The following CCDC30 variants were observed in gnomAD, a reference collection of about 807,000 sequenced individuals.
CCDC30 encodes the protein coiled-coil domain-containing protein 30.
CCDC30 carries 70 observed loss-of-function variants against 100.2 expected under a neutral mutation model. The observed-to-expected ratio is 0.70, with a 90% CI of 0.58 to 0.85. The LOEUF (loss-of-function observed/expected upper bound fraction) is 0.85. CCDC30 is among the 40% of genes least tolerant of loss of function. The pLI is 0.00. For synonymous variants in CCDC30, 233 were observed against 269.5 expected (o/e 0.86, Z 1.33); for missense variants, 652 against 771.2 (o/e 0.85, Z 1.83).
chr1:42,504,158 A>G (rs1186725863), intron 6 of CCDC30, among the ~76,000 whole-genome samples: 1 of 152,250 alleles, frequency 6.6e-6, no homozygotes, highest in African/African-American at 2.4e-5. Context: ...TAAGGCACAG[A>G]TCGCTCATGC....
At chr1:42,637,474 T>C in intron 12 of CCDC30, 96 bp downstream of exon 16, 4 of 1,106,768 alleles carry the variant, frequency 3.6e-6, no homozygotes, top group Non-Finnish European at 5.3e-6. Context: ...TTGAGACCCC[T>C]TCATAGTCCT....
At chr1:42,482,149 C>T (rs1045229980) in intron 2 of CCDC30, among the ~76,000 whole-genome samples, 12 of 149,166 alleles carry the variant, frequency 8.0e-5, no homozygotes, top group Admixed American at 2.7e-4. Flanking sequence ...ACCTGGGAGG[C>T]GGAGGTTGCA....
chr1:42,618,229 C>CTTTTTTTTTTTT (rs563022326), intron 11 of CCDC30, among the ~76,000 whole-genome samples: 17 of 90,460 alleles, frequency 1.9e-4, no homozygotes, highest in African/African-American at 4.5e-4. Context: ...CCAGTGATAT[C>CTTTTTTTTTTTT]TTTTTTTTTT....
At chr1:42,574,809 A>C (rs1645800151) in intron 7 of CCDC30, among the ~76,000 whole-genome samples, 1 of 152,182 alleles carries the variant, frequency 6.6e-6, no homozygotes, top group Non-Finnish European at 1.5e-5. Context: ...AACAAATGTA[A>C]AGTAGTAATA....
intron 10 of CCDC30, among the ~76,000 whole-genome samples, chr1:42,610,287 C>T (rs901703454): frequency 6.6e-6 from 1 of 152,204 alleles, no homozygotes; most frequent in Admixed American, 6.5e-5. Context: ...GTCAGATAAC[C>T]AATCCCAAAT....
chr1:42,618,341 A>G (rs1338067746), intron 11 of CCDC30, among the ~76,000 whole-genome samples: 1 of 150,374 alleles, frequency 6.7e-6, no homozygotes, highest in Admixed American at 6.7e-5. Flanking sequence ...GGTTCAAGCA[A>G]TTCTTCTGCC....
chr1:42,589,277 T>G (rs535735748), intron 9 of CCDC30, 44 bp from the exon 14 acceptor site: 1 of 1,482,184 alleles, frequency 6.7e-7, no homozygotes, highest in East Asian at 2.3e-5. Flanking sequence ...CTGAATTTCA[T>G]TTGCAATTCA....
chr1:42,503,958 G>A (rs1009408869), intron 6 of CCDC30, among the ~76,000 whole-genome samples: 1 of 152,116 alleles, frequency 6.6e-6, no homozygotes, highest in Admixed American at 6.5e-5. Flanking sequence ...GGGAAAGCAG[G>A]GGTCTCACAG....
intron 6 of CCDC30, among the ~76,000 whole-genome samples, chr1:42,512,419 T>C (rs1470412148): frequency 6.6e-6 from 1 of 152,138 alleles, no homozygotes; most frequent in Non-Finnish European, 1.5e-5. Flanking sequence ...CTCTCCAGAC[T>C]AAGGGCAGGG....
At chr1:42,499,762 CT>C (rs1436954963) in intron 6 of CCDC30, among the ~76,000 whole-genome samples, 4 of 151,248 alleles carry the variant, frequency 2.6e-5, no homozygotes, top group African/African-American at 9.7e-5. Flanking sequence ...GCATGTGCCA[CT>C]GTTTCTGGCT....
chr1:42,481,984 C>T (rs1643966741), intron 2 of CCDC30, among the ~76,000 whole-genome samples: 1 of 151,892 alleles, frequency 6.6e-6, no homozygotes, highest in South Asian at 2.1e-4. Flanking sequence ...TTTGGAAGGC[C>T]CAGGTGGGTG....
chr1:42,491,878 C>T lies in CCDC30; in HGVS notation c.241+1649C>T, dbSNP rs115394908. The T allele has an allele frequency of 3.7e-3, 1,543 of 417,042 alleles. 24 individuals are homozygous for T. The highest frequency in any genetic ancestry group is 0.027 in the African/African-American group (1,307 of 48,284). 25.8% of individuals were successfully genotyped at this position (417,042 alleles called of 1,614,324 possible). ...TTCAATATAAGAAATATTGGAGAGA[C>T]GCTAGTCACCAGGACTCGAGGAACC... is the stretch of plus-strand genomic sequence containing the variant. On this transcript the variant is annotated intron_variant, in intron 4 of 16. Coordinates refer to ENST00000668663, the Ensembl canonical transcript of CCDC30.
intron 12 of CCDC30, among the ~76,000 whole-genome samples, chr1:42,638,498 G>C (rs959761252): frequency 2.7e-5 from 4 of 149,788 alleles, no homozygotes; most frequent in African/African-American, 9.8e-5. Context: ...CTTAGAACTA[G>C]GAAAAGACTA....
chr1:42,636,397 C>T (rs1557480432), intron 11 of CCDC30, among the ~76,000 whole-genome samples: 1 of 151,864 alleles, frequency 6.6e-6, no homozygotes, highest in Admixed American at 6.6e-5. Flanking sequence ...CAGAGTGAGA[C>T]CCTGTCTCAA....
At chr1:42,490,175 G>C (rs1644115381) in exon 4 of CCDC30, 6 of 1,200,364 alleles carry the variant, frequency 5.0e-6, no homozygotes, top group Non-Finnish European at 6.3e-6. Flanking sequence ...ACTTAAGAAG[G>C]CTCAACTAGA....
chr1:42,456,711 T>G, the CCDC30 span: 2 of 1,608,888 alleles, frequency 1.2e-6, no homozygotes, highest in Non-Finnish European at 1.7e-6. Flanking sequence ...AAGGTCCCAC[T>G]GGAAGCGCGG....
intron 15 of CCDC30, among the ~76,000 whole-genome samples, chr1:42,651,253 A>G (rs1318527139): frequency 2.0e-5 from 3 of 152,214 alleles, no homozygotes; most frequent in Admixed American, 6.5e-5. Flanking sequence ...CAAACTAAAA[A>G]GCTTCTGCAC....
At chr1:42,523,091 A>T (rs1644672958) in intron 6 of CCDC30, among the ~76,000 whole-genome samples, 1 of 152,288 alleles carries the variant, frequency 6.6e-6, no homozygotes, top group Admixed American at 6.5e-5. Flanking sequence ...CAGCCTCCCA[A>T]AGTGCTGGGA....
At chr1:42,474,761 T>C (rs1643864220) in intron 1 of CCDC30, among the ~76,000 whole-genome samples, 1 of 152,194 alleles carries the variant, frequency 6.6e-6, no homozygotes, top group Non-Finnish European at 1.5e-5. Context: ...ACCTCCAAAG[T>C]GGGAGAATAA....
Sources: gnomAD v4.1 joint callset for allele counts (sites outside exome capture counted in the v4.1 genomes callset) on GRCh38, gnomAD v4.1.1 for gene constraint, MANE v1.5 for transcripts, NCBI Gene and HGNC (gene_info 2026-07-23, HGNC 2026-07-21) for gene names.